COX10: variants seen among roughly 807,000 people sequenced by gnomAD.
The protein encoded by COX10 is cytochrome c oxidase assembly factor heme A:farnesyltransferase COX10, also known as protoheme IX farnesyltransferase, mitochondrial.
In COX10, 27 loss-of-function variants were observed where a neutral mutation model predicts 37.3. The ratio of observed to expected loss-of-function variants is 0.72; its 90% confidence interval spans 0.53 to 1.00. COX10 has a LOEUF of 1.00. Ranked by LOEUF, COX10 falls within the 50% of genes least tolerant of loss-of-function variation. The pLI, the probability that COX10 is intolerant of heterozygous loss-of-function variation, is 0.00. For missense variants in COX10, 475 were observed against 563.2 expected (o/e 0.84, Z 1.59); for synonymous variants, 222 against 229.1 (o/e 0.97, Z 0.28).
intron 2 of COX10, 27 bp downstream of exon 2, chr17:14,074,483 T>A: frequency 1.4e-6 from 2 of 1,472,198 alleles, no homozygotes; most frequent in Non-Finnish European, 1.8e-6. Flanking sequence ...ATTCTTACTC[T>A]GTTACTTTCT....
At chr17:14,141,599 C>T (rs1331535707) in intron 4 of COX10, among the ~76,000 whole-genome samples, 1 of 149,728 alleles carries the variant, frequency 6.7e-6, no homozygotes, top group Non-Finnish European at 1.5e-5. Context: ...AGTCTATTCT[C>T]ATTGTGGAAT....
intron 3 of COX10, among the ~76,000 whole-genome samples, chr17:14,082,856 C>T (rs1915327115): frequency 6.6e-6 from 1 of 152,188 alleles, no homozygotes; most frequent in Non-Finnish European, 1.5e-5. Flanking sequence ...ACTCAGAGAT[C>T]TGCATGTTTG....
intron 4 of COX10, among the ~76,000 whole-genome samples, chr17:14,114,019 G>T (rs1342784043): frequency 6.6e-6 from 1 of 152,124 alleles, no homozygotes; most frequent in Non-Finnish European, 1.5e-5. Flanking sequence ...TCTGAGGTCA[G>T]TTTTCCATTT....
At chr17:14,091,311 C>T (rs1915521507) in intron 3 of COX10, among the ~76,000 whole-genome samples, 1 of 152,154 alleles carries the variant, frequency 6.6e-6, no homozygotes, top group Non-Finnish European at 1.5e-5. Flanking sequence ...AAAGACTTTG[C>T]TTTGTCCTGT....
chr17:14,111,586 A>G (rs1481859341), intron 4 of COX10, among the ~76,000 whole-genome samples: 1 of 152,152 alleles, frequency 6.6e-6, no homozygotes, highest in Non-Finnish European at 1.5e-5. Flanking sequence ...CTTACAAGAA[A>G]GAAAACTACC....
intron 5 of COX10, among the ~76,000 whole-genome samples, chr17:14,171,061 A>G (rs1408399720): frequency 6.6e-6 from 1 of 152,142 alleles, no homozygotes; most frequent in Non-Finnish European, 1.5e-5. Context: ...GTAAGCAAAA[A>G]CACACGCTGA....
intron 5 of COX10, among the ~76,000 whole-genome samples, chr17:14,161,632 G>A (rs1905171901): frequency 6.6e-6 from 1 of 152,206 alleles, no homozygotes; most frequent in Non-Finnish European, 1.5e-5. Flanking sequence ...CCAGCTGGCT[G>A]GAGGCTGGAA....
intron 1 of COX10, among the ~76,000 whole-genome samples, chr17:14,070,396 T>C (rs1914992553): frequency 6.6e-6 from 1 of 152,252 alleles, no homozygotes; most frequent in Non-Finnish European, 1.5e-5. Flanking sequence ...TTATTTGTTT[T>C]TCCCAACTAG....
intron 4 of COX10, among the ~76,000 whole-genome samples, chr17:14,116,728 A>C (rs768003020): frequency 1.6e-4 from 25 of 152,178 alleles, no homozygotes; most frequent in Non-Finnish European, 2.8e-4. Flanking sequence ...TGGATTTTCC[A>C]GCCAGTTCTT....
rs1597552718 is a variant in COX10, at chr17:14,207,787, G to A, written c.*574G>A. Reference sequence around the variant, plus strand: ...AGCTAGGACCCGGCTGCTGTGCACTGGGACTGGGGATTCCACATGTTTGCC... The same window carrying A: ...AGCTAGGACCCGGCTGCTGTGCACTAGGACTGGGGATTCCACATGTTTGCC... On this transcript the variant is annotated 3_prime_UTR_variant, in exon 7 of 7. Coordinates refer to ENST00000261643, the MANE Select transcript of COX10 (RefSeq NM_001303.4). 1 of 152,730 alleles carries A rather than the reference G, an allele frequency of 6.5e-6. No individual in the cohort carries two copies. Among genetic ancestry groups the A allele is most frequent in the African/African-American group, 2.4e-5 (1 of 41,570 alleles). The allele number at this position is 152,730 out of a possible 1,614,324, so 9.5% of individuals were successfully genotyped here.
At position 14,201,637 on chromosome 17, in the gene COX10, C is replaced by G. The variant is rs1196857585; in HGVS notation, c.929-5173C>G. Among the ~76,000 whole-genome samples, 4 of 152,316 alleles carry G rather than the reference C, an allele frequency of 2.6e-5. No individual in the cohort carries two copies. The East Asian group carries it at 7.7e-4, about 29-fold the overall frequency. On this transcript the variant is annotated intron_variant, in intron 6 of 6. Coordinates refer to ENST00000261643, the MANE Select transcript of COX10 (RefSeq NM_001303.4). The stretch of plus-strand genomic sequence containing the variant: ...GCTGGTATTTTAGCCATTTTCCCAG[C>G]TGAGGTTGCTCTTTCTGAGCCATTT...
intron 4 of COX10, among the ~76,000 whole-genome samples, chr17:14,159,443 T>A (rs1905125613): frequency 6.6e-6 from 1 of 152,212 alleles, no homozygotes; most frequent in African/African-American, 2.4e-5. Context: ...ATACGTGGAT[T>A]TATTTCAACC....
chr17:14,156,930 C>T (rs1905053250), intron 4 of COX10, among the ~76,000 whole-genome samples: 1 of 152,178 alleles, frequency 6.6e-6, no homozygotes, highest in Non-Finnish European at 1.5e-5. Flanking sequence ...CAGAGTCAGA[C>T]AGTAAACATT....
At chr17:14,153,941 A>G (rs1208615273) in intron 4 of COX10, among the ~76,000 whole-genome samples, 1 of 152,254 alleles carries the variant, frequency 6.6e-6, no homozygotes, top group East Asian at 1.9e-4. Flanking sequence ...AATATTACTC[A>G]GCGATAAAAA....
chr17:14,153,985 G>A (rs988095555), intron 4 of COX10, among the ~76,000 whole-genome samples: 2 of 152,152 alleles, frequency 1.3e-5, no homozygotes, highest in Admixed American at 1.3e-4. Flanking sequence ...GCAAGATGAT[G>A]AATATCAAAA....
At chr17:14,129,978 A>G (rs890627383) in intron 4 of COX10, among the ~76,000 whole-genome samples, 1 of 152,188 alleles carries the variant, frequency 6.6e-6, no homozygotes, top group Admixed American at 6.5e-5. Context: ...TCCCAGGTGG[A>G]TATACCTATG....
At chr17:14,164,607 T>A (rs1406428524) in intron 5 of COX10, among the ~76,000 whole-genome samples, 1 of 152,200 alleles carries the variant, frequency 6.6e-6, no homozygotes, top group Non-Finnish European at 1.5e-5. Flanking sequence ...ATTTCATCAT[T>A]TGGGATTATG....
chr17:14,182,331 C>T, intron 5 of COX10: 1 of 904,286 alleles, frequency 1.1e-6, no homozygotes, highest in Non-Finnish European at 1.3e-6. Flanking sequence ...TGTGAAACCA[C>T]AGTCTCCACG....
intron 6 of COX10, among the ~76,000 whole-genome samples, chr17:14,195,934 G>A (rs2142265744): frequency 6.6e-6 from 1 of 152,202 alleles, no homozygotes; most frequent in East Asian, 1.9e-4. Flanking sequence ...TAGGCAGATG[G>A]TATTATTTGA....
Sources: allele counts gnomAD v4.1 joint callset (sites outside exome capture counted in the v4.1 genomes callset), GRCh38; gene constraint gnomAD v4.1.1; transcripts MANE v1.5; gene names NCBI Gene and HGNC (gene_info 2026-07-23, HGNC 2026-07-21).